Variants in KLF8 observed in about 807,000 individuals in gnomAD.
KLF8 encodes the protein KLF transcription factor 8, also known as Krueppel-like factor 8.
In KLF8, 10 loss-of-function variants were observed where a neutral mutation model predicts 18.2. That is an observed-to-expected ratio of 0.55 (90% CI 0.34 to 0.93). The LOEUF (loss-of-function observed/expected upper bound fraction) is 0.93. KLF8 is among the 40% of genes least tolerant of loss of function. KLF8 has a pLI of 0.02. For missense variants in KLF8, 264 were observed against 277.9 expected (o/e 0.95, Z 0.36); for synonymous variants, 109 against 97.3 (o/e 1.12, Z -0.71).
At chrX:56,140,922 C>T in the KLF8 span, among the ~76,000 whole-genome samples, 1 of 110,096 alleles carries the variant, frequency 9.1e-6, no homozygotes, top group Non-Finnish European at 1.9e-5. Flanking sequence ...TAAAAATTGA[C>T]AATCTAAGTG....
chrX:55,966,576 A>C, the KLF8 span, among the ~76,000 whole-genome samples: 1 of 112,317 alleles, frequency 8.9e-6, no homozygotes, highest in African/African-American at 3.2e-5. Context: ...ACTAATGCAG[A>C]TATGTCTGCA....
the KLF8 span, among the ~76,000 whole-genome samples, chrX:56,069,758 C>G: frequency 8.9e-6 from 1 of 112,106 alleles, no homozygotes; most frequent in Non-Finnish European, 1.9e-5. Flanking sequence ...GCTTCCTGCC[C>G]AGCAGTCTTG....
chrX:56,083,337 C>A, the KLF8 span, among the ~76,000 whole-genome samples: 1 of 111,738 alleles, frequency 8.9e-6, no homozygotes, highest in Non-Finnish European at 1.9e-5. Context: ...CTCATAAAAC[C>A]AGTGAAGTAA....
the KLF8 span, among the ~76,000 whole-genome samples, chrX:56,042,889 CTTCT>C: frequency 9.0e-6 from 1 of 111,698 alleles, no homozygotes; most frequent in Non-Finnish European, 1.9e-5. Flanking sequence ...ACTTTGCAGA[CTTCT>C]TTATGTGGTT....
chrX:56,091,297 G>T, the KLF8 span, among the ~76,000 whole-genome samples: 6 of 110,348 alleles, frequency 5.4e-5, no homozygotes. Flanking sequence ...ACCTGCCGCC[G>T]TGTAAGACAT....
the KLF8 span, among the ~76,000 whole-genome samples, chrX:55,946,678 C>G: frequency 4.5e-5 from 5 of 111,635 alleles, no homozygotes; most frequent in Non-Finnish European, 9.4e-5. Context: ...GCAAAAGAAA[C>G]TACCATGAGA....
the KLF8 span, among the ~76,000 whole-genome samples, chrX:56,024,538 C>G: frequency 9.0e-6 from 1 of 111,297 alleles, no homozygotes; most frequent in African/African-American, 3.3e-5. Flanking sequence ...CTGGAAGGAT[C>G]GGCAGACTAA....
chrX:56,041,186 A>G, the KLF8 span, among the ~76,000 whole-genome samples: 2 of 109,697 alleles, frequency 1.8e-5, no homozygotes, highest in East Asian at 5.7e-4. Flanking sequence ...GTGCAATGGC[A>G]TGATCTCGGC....
At chrX:56,155,461 G>A in the KLF8 span, among the ~76,000 whole-genome samples, 3 of 110,552 alleles carry the variant, frequency 2.7e-5, no homozygotes, top group African/African-American at 9.9e-5. Flanking sequence ...GTTGTGGGGT[G>A]GAGGAAGCGG....
intron 1 of KLF8, among the ~76,000 whole-genome samples, chrX:56,242,639 A>G (rs2066562207): frequency 1.8e-5 from 2 of 111,634 alleles, no homozygotes; most frequent in African/African-American, 3.3e-5. Flanking sequence ...AATACCTTAT[A>G]TGACTTCACT....
chrX:56,017,596 G>T, the KLF8 span, among the ~76,000 whole-genome samples: 12 of 112,234 alleles, frequency 1.1e-4, no homozygotes, highest in Admixed American at 1.0e-3. Flanking sequence ...TGCACTGGAT[G>T]TAGTGATAAT....
At chrX:56,090,505 T>G in the KLF8 span, among the ~76,000 whole-genome samples, 1 of 112,282 alleles carries the variant, frequency 8.9e-6, no homozygotes, top group Admixed American at 9.4e-5. Flanking sequence ...AGGTAATATA[T>G]CCATTCTTAG....
the KLF8 span, among the ~76,000 whole-genome samples, chrX:56,072,563 A>G: frequency 3.6e-5 from 4 of 111,684 alleles, no homozygotes; most frequent in Non-Finnish European, 7.5e-5. Flanking sequence ...ATCTTGGGCG[A>G]TATATTTACG....
At chrX:55,959,026 T>C in the KLF8 span, among the ~76,000 whole-genome samples, 1 of 111,910 alleles carries the variant, frequency 8.9e-6, no homozygotes, top group African/African-American at 3.3e-5. Context: ...CAGACTGTTG[T>C]TGCTGCAGGA....
At chrX:56,116,634 G>GAGATAT in the KLF8 span, among the ~76,000 whole-genome samples, 68 of 78,189 alleles carry the variant, frequency 8.7e-4, no homozygotes, top group African/African-American at 3.2e-3. Flanking sequence ...ATGATGTTCT[G>GAGATAT]ATATATATAT....
the KLF8 span, among the ~76,000 whole-genome samples, chrX:55,926,778 A>AT: frequency 1.8e-5 from 2 of 110,099 alleles, no homozygotes; most frequent in African/African-American, 3.3e-5. Flanking sequence ...AAGCAGCCCA[A>AT]TTTTTTTTTG....
At chrX:56,248,876 T>A (rs901267457) in intron 1 of KLF8, among the ~76,000 whole-genome samples, 1 of 111,967 alleles carries the variant, frequency 8.9e-6, no homozygotes, top group Non-Finnish European at 1.9e-5. Flanking sequence ...TTTCCACCCT[T>A]TTCCAATTTC....
At chrX:56,143,755 G>T in the KLF8 span, among the ~76,000 whole-genome samples, 1 of 111,769 alleles carries the variant, frequency 8.9e-6, no homozygotes, top group African/African-American at 3.2e-5. Flanking sequence ...ATAAGACAGG[G>T]AGAAAGAAAA....
At chrX:56,273,688 C>T (rs905877420) in intron 5 of KLF8, among the ~76,000 whole-genome samples, 1 of 111,483 alleles carries the variant, frequency 9.0e-6, no homozygotes, top group African/African-American at 3.3e-5. Flanking sequence ...TGACCTTTGC[C>T]TTGGAGACTC....
Sources: gnomAD v4.1 joint callset for allele counts (sites outside exome capture counted in the v4.1 genomes callset) on GRCh38, gnomAD v4.1.1 for gene constraint, MANE v1.5 for transcripts, NCBI Gene and HGNC (gene_info 2026-07-23, HGNC 2026-07-21) for gene names.